Variants in RFX3 observed in about 807,000 individuals in gnomAD.
The protein encoded by RFX3 is regulatory factor X3, also known as transcription factor RFX3.
In RFX3, 14 loss-of-function variants were observed where a neutral mutation model predicts 98.6. The ratio of observed to expected loss-of-function variants is 0.14; its 90% confidence interval spans 0.09 to 0.22. The LOEUF is 0.22. RFX3 is among the 10% of genes least tolerant of loss of function. RFX3 has a pLI of 1.00. For missense variants in RFX3, 639 were observed against 926.9 expected (o/e 0.69, Z 4.03); for synonymous variants, 383 against 328.4 (o/e 1.17, Z -1.80).
At chr9:3,277,136 A>G (rs1347640408) in intron 8 of RFX3, among the ~76,000 whole-genome samples, 4 of 152,066 alleles carry the variant, frequency 2.6e-5, no homozygotes, top group Non-Finnish European at 5.9e-5. Context: ...AAAGTCCTAT[A>G]TAGCTCGAGA....
chr9:3,431,161 C>G (rs1321011858), intron 1 of RFX3, among the ~76,000 whole-genome samples: 1 of 152,208 alleles, frequency 6.6e-6, no homozygotes, highest in Non-Finnish European at 1.5e-5. Context: ...CTAATCATCT[C>G]TGAGTGAGCA....
At chr9:3,259,105 C>T (rs747144725) in intron 13 of RFX3, among the ~76,000 whole-genome samples, 6 of 151,932 alleles carry the variant, frequency 3.9e-5, no homozygotes, top group Non-Finnish European at 8.8e-5. Context: ...CATAGTTAGA[C>T]ATTTGTTTGT....
Position 3,419,834 on chromosome 9 carries a change from A to T in RFX3, c.-8-24238T>A, listed in dbSNP as rs540004422. ...AACTTTGTTATATGTAGAATGTTTA[A>T]TAATTTTTTATTGTTTTTCACACTC... On this transcript the variant is annotated intron_variant, in intron 1 of 16. Transcript: ENST00000617270. Among the ~76,000 whole-genome samples the T allele has an allele frequency of 2.0e-5, 3 of 152,318 alleles. No homozygotes were observed. In the East Asian group the frequency reaches 5.8e-4, roughly 29 times the overall value.
intron 6 of RFX3, among the ~76,000 whole-genome samples, chr9:3,291,136 G>A (rs1236624253): frequency 2.6e-5 from 4 of 152,076 alleles, no homozygotes; most frequent in South Asian, 4.1e-4. Context: ...AGGCTGAGGC[G>A]GGCAGATCAC....
chr9:3,397,546 ATTC>A (rs1461370822), intron 1 of RFX3, among the ~76,000 whole-genome samples: 3 of 152,164 alleles, frequency 2.0e-5, no homozygotes, highest in Non-Finnish European at 4.4e-5. Flanking sequence ...CAATGCATCT[ATTC>A]TTCTTATTTT....
intron 4 of RFX3, among the ~76,000 whole-genome samples, chr9:3,325,340 C>T (rs887433052): frequency 6.6e-6 from 1 of 151,870 alleles, no homozygotes; most frequent in Non-Finnish European, 1.5e-5. Context: ...ATAAACTAGG[C>T]CAAACTTTTA....
At chr9:3,457,809 T>C (rs1230344900) in intron 1 of RFX3, among the ~76,000 whole-genome samples, 1 of 152,092 alleles carries the variant, frequency 6.6e-6, no homozygotes, top group Non-Finnish European at 1.5e-5. Flanking sequence ...CTATATGCAA[T>C]TCACCAAACT....
chr9:3,371,783 A>T (rs1041549776), intron 2 of RFX3, among the ~76,000 whole-genome samples: 4 of 152,202 alleles, frequency 2.6e-5, no homozygotes, highest in African/African-American at 9.7e-5. Flanking sequence ...GTCTTTATTC[A>T]AATAGAGGAA....
chr9:3,345,321 G>A (rs1834337553), intron 3 of RFX3, among the ~76,000 whole-genome samples: 1 of 152,078 alleles, frequency 6.6e-6, no homozygotes, highest in South Asian at 2.1e-4. Flanking sequence ...GGGAATATTT[G>A]GGGAAAAATG....
intron 12 of RFX3, among the ~76,000 whole-genome samples, chr9:3,263,649 A>G (rs750419921): frequency 1.3e-5 from 2 of 152,220 alleles, no homozygotes; most frequent in African/African-American, 2.4e-5. Flanking sequence ...ACCAACTAGA[A>G]TAACCTTTTT....
intron 1 of RFX3, among the ~76,000 whole-genome samples, chr9:3,468,075 C>T (rs12236983): frequency 0.28 from 42,704 of 152,036 alleles, 9,040 homozygotes; most frequent in East Asian, 0.66. Context: ...TTTCCAGAAA[C>T]GATGCCTCAA....
chr9:3,435,599 C>A (rs181338490), intron 1 of RFX3, among the ~76,000 whole-genome samples: 6 of 151,836 alleles, frequency 4.0e-5, no homozygotes, highest in African/African-American at 1.4e-4. Flanking sequence ...TTTATTTATA[C>A]GGTGATTTTT....
At chr9:3,463,179 T>A (rs1322935905) in intron 1 of RFX3, among the ~76,000 whole-genome samples, 1 of 152,088 alleles carries the variant, frequency 6.6e-6, no homozygotes, top group African/African-American at 2.4e-5. Flanking sequence ...GGTATTGTCA[T>A]AAAGACAGTA....
In RFX3 at chr9:3,467,176, A is replaced by G. The variant is rs922399209; in HGVS notation, c.-9+58571T>C. 3.6e-5 allele frequency among the ~76,000 whole-genome samples: 5 copies of G among 139,446 alleles called. No individual in the cohort carries two copies. The Admixed American group carries it at 3.6e-4, about 10-fold the overall frequency. 91.5% of individuals were successfully genotyped at this position (139,446 alleles called of 152,430 possible). On this transcript the variant is annotated intron_variant, in intron 1 of 16. Transcript: ENST00000617270. The stretch of plus-strand genomic sequence containing the variant: ...ATATATGTATATACGTATATAATGT[A>G]TATATGTATATACATATATAATGTA...
intron 4 of RFX3, among the ~76,000 whole-genome samples, chr9:3,307,117 C>T (rs1460512878): frequency 6.6e-6 from 1 of 152,118 alleles, no homozygotes; most frequent in African/African-American, 2.4e-5. Context: ...CTTGCTCCTT[C>T]TTGCCTTCTG....
rs148844449 is a variant in RFX3, at chr9:3,407,630, C to T, written c.-8-12034G>A. On this transcript the variant is annotated intron_variant, in intron 1 of 16. Coordinates refer to ENST00000617270, the MANE Select transcript of RFX3 (RefSeq NM_001282116.2). ...ATGACAACAATTTAGATGTTTAACA[C>T]ACCAACTATTATGTAGTCCTGTCTA... 1.3e-3 allele frequency among the ~76,000 whole-genome samples: 202 copies of T among 152,206 alleles called. 1 individual carries two copies. The highest frequency in any genetic ancestry group is 4.6e-3 in the African/African-American group (190 of 41,532).
chr9:3,332,911 CT>C (rs35896111), intron 3 of RFX3, among the ~76,000 whole-genome samples: 26,883 of 152,042 alleles, frequency 0.18, 2,428 homozygotes, highest in Middle Eastern at 0.22. Flanking sequence ...ACGGAAGCAC[CT>C]TATCTCAAAA....
chr9:3,452,292 T>C (rs115650910), intron 1 of RFX3: 2,445 of 217,102 alleles, frequency 0.011, 76 homozygotes, highest in African/African-American at 0.053. Flanking sequence ...ATGTCATTTT[T>C]TAAAAAAACA....
intron 1 of RFX3, among the ~76,000 whole-genome samples, chr9:3,492,257 T>C (rs938303979): frequency 1.3e-5 from 2 of 152,236 alleles, no homozygotes; most frequent in Non-Finnish European, 1.5e-5. Flanking sequence ...TGATCTTTCA[T>C]CTTTTTTCAC....
Sources: gnomAD v4.1 joint callset for allele counts (sites outside exome capture counted in the v4.1 genomes callset) on GRCh38, gnomAD v4.1.1 for gene constraint, MANE v1.5 for transcripts, NCBI Gene and HGNC (gene_info 2026-07-23, HGNC 2026-07-21) for gene names.